ROBO1: variants seen among roughly 807,000 people sequenced by gnomAD.
ROBO1 encodes the protein roundabout guidance receptor 1, also known as roundabout homolog 1.
A neutral mutation model predicts 195.9 loss-of-function variants in ROBO1; 149 were observed. That is an observed-to-expected ratio of 0.76 (90% CI 0.67 to 0.87). The LOEUF (loss-of-function observed/expected upper bound fraction) is 0.87, where lower values mean the gene tolerates loss of function less well. ROBO1 is among the 40% of genes least tolerant of loss of function. The pLI, the probability that ROBO1 is intolerant of heterozygous loss-of-function variation, is 0.00. For missense variants in ROBO1, 1,933 were observed against 2,068.3 expected (o/e 0.93, Z 1.27); for synonymous variants, 816 against 733.2 (o/e 1.11, Z -1.82).
chr3:78,914,288 T>C (rs549336191), intron 4 of ROBO1, among the ~76,000 whole-genome samples: 2 of 152,216 alleles, frequency 1.3e-5, no homozygotes, highest in East Asian at 1.9e-4. Flanking sequence ...TGGAAAGAAA[T>C]AGACAGTATA....
At chr3:79,188,903 G>A (rs1055249639) in intron 2 of ROBO1, among the ~76,000 whole-genome samples, 1 of 151,674 alleles carries the variant, frequency 6.6e-6, no homozygotes, top group Non-Finnish European at 1.5e-5. Context: ...TAGGTCATGA[G>A]GGCAGATCTC....
At chr3:79,549,511 C>CT in intron 2 of ROBO1, among the ~76,000 whole-genome samples, 1 of 152,170 alleles carries the variant, frequency 6.6e-6, no homozygotes, top group Non-Finnish European at 1.5e-5. Context: ...ATAATTGTGC[C>CT]TGTATTAAAC....
At chr3:79,147,230 C>A (rs2080670936) in intron 2 of ROBO1, among the ~76,000 whole-genome samples, 1 of 151,950 alleles carries the variant, frequency 6.6e-6, no homozygotes, top group Admixed American at 6.6e-5. Flanking sequence ...CCTGATTTTA[C>A]TCTATCTTGA....
intron 3 of ROBO1, among the ~76,000 whole-genome samples, chr3:79,083,642 C>T (rs893028671): frequency 6.6e-6 from 1 of 152,176 alleles, no homozygotes; most frequent in South Asian, 2.1e-4. Flanking sequence ...AAACTGTCGT[C>T]CTATCCAAGT....
intron 2 of ROBO1, among the ~76,000 whole-genome samples, chr3:79,279,166 T>C (rs1242828983): frequency 6.6e-6 from 1 of 151,880 alleles, no homozygotes. Flanking sequence ...CTCAGGAGGC[T>C]GAGGCAGGAA....
intron 4 of ROBO1, among the ~76,000 whole-genome samples, chr3:78,814,788 A>C (rs570182774): frequency 7.9e-5 from 12 of 152,244 alleles, no homozygotes; most frequent in African/African-American, 2.6e-4. Context: ...CTCATTTTAT[A>C]GTGCTTCACT....
intron 4 of ROBO1, among the ~76,000 whole-genome samples, chr3:78,852,360 A>G (rs936620529): frequency 9.2e-5 from 14 of 152,158 alleles, no homozygotes; most frequent in African/African-American, 3.4e-4. Flanking sequence ...CATGGAAGAG[A>G]ATGTCAGTTC....
chr3:78,846,226 T>C (rs2106806419), intron 4 of ROBO1, among the ~76,000 whole-genome samples: 1 of 152,302 alleles, frequency 6.6e-6, no homozygotes, highest in East Asian at 1.9e-4. Context: ...GTTCCAGTGG[T>C]AATTTCCTTC....
intron 2 of ROBO1, among the ~76,000 whole-genome samples, chr3:79,575,195 A>AATATATATAACATATATAAC (rs1943421821): frequency 1.9e-5 from 1 of 51,526 alleles, no homozygotes; most frequent in Non-Finnish European, 4.0e-5. Context: ...CATATATATA[A>AATATATATAACATATATAAC]ATATATATAT....
chr3:79,380,685 T>A (rs1263676907), intron 2 of ROBO1, among the ~76,000 whole-genome samples: 4 of 152,136 alleles, frequency 2.6e-5, no homozygotes, highest in Non-Finnish European at 5.9e-5. Context: ...CTTCCCTATG[T>A]TGTGTCCTAT....
Position 79,351,860 on chromosome 3 carries a change from A to C in ROBO1, c.89-226321T>G, listed in dbSNP as rs186063588. ...AAGGAGGGCACAGTGTGTCCTTAACACACATGTCTGTACGAGTTCCCATGG... is the reference window on the plus strand; with the variant it reads ...AAGGAGGGCACAGTGTGTCCTTAACCCACATGTCTGTACGAGTTCCCATGG... On this transcript the variant is annotated intron_variant, in intron 2 of 30. Transcript: ENST00000464233. 1.7e-4 allele frequency among the ~76,000 whole-genome samples: 26 copies of C among 152,272 alleles called. 1 individual carries two copies. The highest frequency in any genetic ancestry group is 4.3e-4 in the African/African-American group (18 of 41,546).
chr3:78,778,800 C>A (rs1163283495), intron 4 of ROBO1, among the ~76,000 whole-genome samples: 3 of 152,090 alleles, frequency 2.0e-5, no homozygotes, highest in Admixed American at 2.0e-4. Flanking sequence ...GCCCACATAG[C>A]CAAGACAATC....
chr3:79,104,969 A>T (rs2079750331), intron 3 of ROBO1, among the ~76,000 whole-genome samples: 1 of 151,788 alleles, frequency 6.6e-6, no homozygotes, highest in African/African-American at 2.4e-5. Flanking sequence ...GGTAGATGGC[A>T]TGGAGAAACT....
intron 2 of ROBO1, among the ~76,000 whole-genome samples, chr3:79,209,798 TC>T (rs1165496845): frequency 6.6e-6 from 1 of 152,130 alleles, no homozygotes; most frequent in East Asian, 1.9e-4. Context: ...CACTAAAGAC[TC>T]ATCCGAAAAG....
chr3:78,897,541 C>T (rs761703196), intron 4 of ROBO1, among the ~76,000 whole-genome samples: 4 of 152,052 alleles, frequency 2.6e-5, no homozygotes, highest in African/African-American at 9.7e-5. Context: ...AATGAGATAC[C>T]TTTTGAAAGG....
intron 1 of ROBO1, among the ~76,000 whole-genome samples, chr3:79,675,186 G>A (rs1340072686): frequency 1.3e-5 from 2 of 151,824 alleles, no homozygotes; most frequent in African/African-American, 4.8e-5. Context: ...GTGTGTATGA[G>A]CCTATACATC....
intron 1 of ROBO1, among the ~76,000 whole-genome samples, chr3:79,727,557 G>C (rs1702974573): frequency 6.6e-6 from 1 of 152,112 alleles, no homozygotes; most frequent in Non-Finnish European, 1.5e-5. Flanking sequence ...CCCACTTTGT[G>C]AATTGAAACC....
rs1575773724 is a variant in ROBO1 at position 78,612,548 on chromosome 3, T to A, written c.4435+2100A>T. Among the ~76,000 whole-genome samples the A allele has an allele frequency of 2.0e-5, 3 of 152,338 alleles. No homozygotes were observed. The East Asian group carries it at 5.8e-4, about 29-fold the overall frequency. On this transcript the variant is annotated intron_variant, in intron 28 of 30. Coordinates refer to ENST00000464233, the MANE Select transcript of ROBO1 (RefSeq NM_002941.4). The stretch of plus-strand genomic sequence containing the variant: ...CCAGCGTGTCTGCATTTCTTTTATT[T>A]AGTGCATTAACAAGAATCTGCATTA...
intron 4 of ROBO1, among the ~76,000 whole-genome samples, chr3:78,913,255 G>T (rs992954161): frequency 2.6e-5 from 4 of 152,050 alleles, no homozygotes. Flanking sequence ...TGGATGATGA[G>T]ATAGTGAATT....
Sources: gnomAD v4.1 joint callset for allele counts (sites outside exome capture counted in the v4.1 genomes callset) on GRCh38, gnomAD v4.1.1 for gene constraint, MANE v1.5 for transcripts, NCBI Gene and HGNC (gene_info 2026-07-23, HGNC 2026-07-21) for gene names.